Variants in HHAT observed in about 807,000 individuals in gnomAD.
HHAT encodes hedgehog acyltransferase.
A neutral mutation model predicts 70.8 loss-of-function variants in HHAT; 47 were observed. That is an observed-to-expected ratio of 0.66 (90% CI 0.53 to 0.85). HHAT has a LOEUF of 0.85. Among genes scored for constraint, HHAT ranks in the 40% least tolerant of loss-of-function variants. The pLI is 0.00. For missense variants in HHAT, 609 were observed against 604.8 expected, an observed-to-expected ratio of 1.01 and a Z score of -0.07; for synonymous variants, 228 against 247.6, an observed-to-expected ratio of 0.92 and a Z score of 0.74.
At chr1:210,447,571 C>T (rs1558534519) in intron 7 of HHAT, among the ~76,000 whole-genome samples, 1 of 152,172 alleles carries the variant, frequency 6.6e-6, no homozygotes, top group Admixed American at 6.5e-5. Context: ...TGACAATTCC[C>T]AGTCAAGCAT....
At chr1:210,351,833 C>T (rs1013887804) in intron 2 of HHAT, among the ~76,000 whole-genome samples, 4 of 152,298 alleles carry the variant, frequency 2.6e-5, no homozygotes, top group Non-Finnish European at 4.4e-5. Flanking sequence ...GGAAGTTATA[C>T]AGGTCACTTC....
At chr1:210,470,410 AT>A (rs2094183685) in intron 8 of HHAT, among the ~76,000 whole-genome samples, 1 of 152,076 alleles carries the variant, frequency 6.6e-6, no homozygotes, top group African/African-American at 2.4e-5. Context: ...ACCTTAGTCA[AT>A]CCCCCTCTCT....
intron 9 of HHAT, among the ~76,000 whole-genome samples, chr1:210,530,156 C>T (rs1318788791): frequency 6.6e-6 from 1 of 152,056 alleles, no homozygotes; most frequent in Non-Finnish European, 1.5e-5. Context: ...ACACAAAAAT[C>T]ATAGGATTTA....
chr1:210,426,696 T>C (rs990940776), intron 7 of HHAT, among the ~76,000 whole-genome samples: 1 of 152,208 alleles, frequency 6.6e-6, no homozygotes, highest in Admixed American at 6.5e-5. Flanking sequence ...TAAAGCCTAC[T>C]TGATTGTGGT....
intron 8 of HHAT, among the ~76,000 whole-genome samples, chr1:210,507,924 G>A (rs1021729340): frequency 6.6e-6 from 1 of 151,922 alleles, no homozygotes; most frequent in Non-Finnish European, 1.5e-5. Context: ...GCATGGCCGG[G>A]CATGGTGGCT....
intron 8 of HHAT, among the ~76,000 whole-genome samples, chr1:210,477,696 T>C (rs954421640): frequency 2.6e-5 from 4 of 152,192 alleles, no homozygotes; most frequent in African/African-American, 7.2e-5. Context: ...TTAATTAAAA[T>C]ATACATCGTG....
intron 9 of HHAT, among the ~76,000 whole-genome samples, chr1:210,551,977 T>TCAG (rs1410976289): frequency 6.6e-6 from 1 of 152,224 alleles, no homozygotes; most frequent in Non-Finnish European, 1.5e-5. Flanking sequence ...TTACTGACCA[T>TCAG]CAGCTACAAT....
chr1:210,573,124 C>T (rs553365399), intron 9 of HHAT, among the ~76,000 whole-genome samples: 1 of 152,334 alleles, frequency 6.6e-6, no homozygotes, highest in East Asian at 1.9e-4. Context: ...TGTAACTCTT[C>T]AAGAGCATCT....
intron 6 of HHAT, among the ~76,000 whole-genome samples, chr1:210,412,665 C>T (rs1467660243): frequency 1.3e-5 from 2 of 152,242 alleles, no homozygotes; most frequent in Admixed American, 6.5e-5. Context: ...TTTCACCTCT[C>T]AGACACACTG....
At chr1:210,515,185 G>A (rs946233590) in intron 9 of HHAT, among the ~76,000 whole-genome samples, 8 of 152,182 alleles carry the variant, frequency 5.3e-5, no homozygotes, top group African/African-American at 2.4e-5. Flanking sequence ...TAAATCAGCA[G>A]GTTTATTGCT....
At chr1:210,381,329 G>A (rs1371739982) in intron 3 of HHAT, among the ~76,000 whole-genome samples, 1 of 151,950 alleles carries the variant, frequency 6.6e-6, no homozygotes, top group Non-Finnish European at 1.5e-5. Flanking sequence ...TACCTAGGTT[G>A]GAGTGCAGTG....
rs780835956 is a variant in HHAT at position 210,588,265 on chromosome 1, T to TA, written c.1245+167dup. 1.3e-3 allele frequency: 794 copies of TA among 605,646 alleles called. 1 individual carries two copies. The highest frequency in any genetic ancestry group is 0.011 in the Middle Eastern group (25 of 2,260). The allele number at this position is 605,646 out of a possible 1,614,324, so 37.5% of individuals were successfully genotyped here. A position where few individuals can be genotyped will look rare whatever the true frequency, so the allele number is the denominator to read the frequency against. ...AAGACAGCTGGAAAAGAAGCTTCTG[T>TA]AGTGCATATATGTGTGTTTGTGCAT... On this transcript the variant is annotated intron_variant, in intron 10 of 11. Coordinates refer to ENST00000261458, the MANE Select transcript of HHAT (RefSeq NM_018194.6).
intron 8 of HHAT, 89 bp downstream of exon 8, chr1:210,464,744 C>A: frequency 7.8e-7 from 1 of 1,277,768 alleles, no homozygotes. Flanking sequence ...GGCTACTATC[C>A]TCTCCCTGTC....
At chr1:210,385,241 CAT>C (rs1238638239) in intron 3 of HHAT, among the ~76,000 whole-genome samples, 2 of 135,788 alleles carry the variant, frequency 1.5e-5, no homozygotes, top group African/African-American at 2.8e-5. Context: ...TTAAAAAGCT[CAT>C]ATGTTTTTCT....
At chr1:210,583,194 T>G (rs981554691) in intron 9 of HHAT, among the ~76,000 whole-genome samples, 3 of 152,232 alleles carry the variant, frequency 2.0e-5, no homozygotes, top group African/African-American at 7.2e-5. Flanking sequence ...CAATACTGTC[T>G]ACTATTTATA....
chr1:210,404,466 A>G lies in HHAT; in HGVS notation c.471A>G (p.Arg157=). Reference sequence around the variant, plus strand: ...GTTCTCTCCTTTTGATTTTGTAGAGAAGGTGGTACAAGACAGAAAACGAGT... The same window carrying G: ...GTTCTCTCCTTTTGATTTTGTAGAGGAGGTGGTACAAGACAGAAAACGAGT... ...LRLQGVEEVK[R]RWYKTENEYY... Residue 157 remains arginine, a splice_region_variant and synonymous_variant, in exon 6 of 12, where the codon AGA becomes AGG. Coordinates refer to ENST00000261458, the MANE Select transcript of HHAT (RefSeq NM_018194.6). The G allele has an allele frequency of 6.2e-7, 1 of 1,610,186 alleles. No homozygotes were observed. Among genetic ancestry groups the G allele is most frequent in the Non-Finnish European group, 8.5e-7 (1 of 1,178,092 alleles).
chr1:210,438,689 GGT>G (rs1258421148), intron 7 of HHAT, among the ~76,000 whole-genome samples: 10 of 151,740 alleles, frequency 6.6e-5, no homozygotes, highest in African/African-American at 2.4e-4. Context: ...AAATGATCAT[GGT>G]GGCTTAAGTT....
intron 8 of HHAT, among the ~76,000 whole-genome samples, chr1:210,480,143 A>G (rs779315601): frequency 1.1e-4 from 16 of 152,224 alleles, no homozygotes; most frequent in Non-Finnish European, 1.6e-4. Flanking sequence ...TATGAATTAC[A>G]TAGCTATTGG....
At chr1:210,401,044 C>T (rs1461485681) in intron 5 of HHAT, among the ~76,000 whole-genome samples, 1 of 152,240 alleles carries the variant, frequency 6.6e-6, no homozygotes, top group African/African-American at 2.4e-5. Flanking sequence ...TCACTCAACT[C>T]ATCTGATGGC....
Sources: allele counts gnomAD v4.1 joint callset (sites outside exome capture counted in the v4.1 genomes callset), GRCh38; gene constraint gnomAD v4.1.1; transcripts MANE v1.5; gene names NCBI Gene and HGNC (gene_info 2026-07-23, HGNC 2026-07-21).